The following CPA6 variants were observed in gnomAD, a reference collection of about 807,000 sequenced individuals.
The protein encoded by CPA6 is carboxypeptidase B.
A neutral mutation model predicts 63.3 loss-of-function variants in CPA6; 58 were observed. The observed-to-expected ratio is 0.92, with a 90% CI of 0.74 to 1.14. The LOEUF (loss-of-function observed/expected upper bound fraction) is 1.14, where lower values mean the gene tolerates loss of function less well. CPA6 is among the 50% of genes most tolerant of loss of function. CPA6 has a pLI of 0.00. For missense variants in CPA6, 565 were observed against 526.6 expected (o/e 1.07, Z -0.71); for synonymous variants, 185 against 179.0 (o/e 1.03, Z -0.27).
chr8:67,672,126 G>A (rs575628283), intron 1 of CPA6, among the ~76,000 whole-genome samples: 79 of 152,122 alleles, frequency 5.2e-4, no homozygotes, highest in Non-Finnish European at 7.1e-4. Context: ...CACCGCACCC[G>A]GCCTTCTCAT....
chr8:67,447,023 C>CAT (rs548626236), intron 8 of CPA6, among the ~76,000 whole-genome samples: 141 of 122,580 alleles, frequency 1.2e-3, no homozygotes, highest in Admixed American at 2.0e-3. Flanking sequence ...TACACACACA[C>CAT]ATATATATAC....
intron 2 of CPA6, among the ~76,000 whole-genome samples, chr8:67,536,049 G>A (rs1296685821): frequency 1.3e-5 from 2 of 152,094 alleles, no homozygotes; most frequent in African/African-American, 4.8e-5. Context: ...CCTCTGTACT[G>A]TTCCATTGGT....
intron 8 of CPA6, among the ~76,000 whole-genome samples, chr8:67,470,443 T>G (rs915880164): frequency 6.6e-6 from 1 of 152,222 alleles, no homozygotes; most frequent in Non-Finnish European, 1.5e-5. Context: ...TTTTGGGCAA[T>G]AACCTAATAG....
intron 6 of CPA6, among the ~76,000 whole-genome samples, chr8:67,504,512 A>T (rs1811890328): frequency 6.6e-6 from 1 of 152,148 alleles, no homozygotes; most frequent in African/African-American, 2.4e-5. Flanking sequence ...GCTTTGAGTG[A>T]AGCCAGGTGC....
At chr8:67,727,961 C>T (rs1219120192) in intron 1 of CPA6, among the ~76,000 whole-genome samples, 1 of 151,842 alleles carries the variant, frequency 6.6e-6, no homozygotes, top group Non-Finnish European at 1.5e-5. Flanking sequence ...GCCTGTAGTC[C>T]CAGCTACTCG....
chr8:67,642,163 C>T (rs1457082792), intron 1 of CPA6, among the ~76,000 whole-genome samples: 9 of 152,124 alleles, frequency 5.9e-5, no homozygotes, highest in Middle Eastern at 6.8e-3. Flanking sequence ...ACTAAAAATA[C>T]AAGAATTAGC....
intron 8 of CPA6, among the ~76,000 whole-genome samples, chr8:67,455,416 G>T (rs1810649103): frequency 1.3e-5 from 2 of 151,784 alleles, no homozygotes; most frequent in South Asian, 4.2e-4. Context: ...AAAAAAAATG[G>T]GTTTGGTTAT....
chr8:67,695,466 T>C (rs1022610576), intron 1 of CPA6, among the ~76,000 whole-genome samples: 1 of 152,216 alleles, frequency 6.6e-6, no homozygotes, highest in African/African-American at 2.4e-5. Context: ...AGACATTTAC[T>C]TTGGATATAA....
chr8:67,438,302 T>A (rs1441184874), intron 8 of CPA6, among the ~76,000 whole-genome samples: 8 of 152,188 alleles, frequency 5.3e-5, no homozygotes, highest in Non-Finnish European at 5.9e-5. Context: ...ATCAACACTT[T>A]GACAAATTAT....
chr8:67,620,861 G>A (rs979343876), intron 2 of CPA6, among the ~76,000 whole-genome samples: 8 of 152,146 alleles, frequency 5.3e-5, no homozygotes, highest in African/African-American at 1.9e-4. Flanking sequence ...TCTTTAGAAA[G>A]GCCTGCTTGT....
At chr8:67,607,169 CTCTTCTTCT>C (rs1211819002) in intron 2 of CPA6, among the ~76,000 whole-genome samples, 818 of 28,292 alleles carry the variant, frequency 0.029, 35 homozygotes, top group Middle Eastern at 0.036. Flanking sequence ...CTTCTTCTTC[CTCTTCTTCT>C]TCTTCTTCTT....
At chr8:67,661,380 G>A (rs1182267429) in intron 1 of CPA6, among the ~76,000 whole-genome samples, 1 of 152,302 alleles carries the variant, frequency 6.6e-6, no homozygotes, top group East Asian at 1.9e-4. Context: ...CTGGAAGCCT[G>A]TTGCAAGGAC....
intron 1 of CPA6, among the ~76,000 whole-genome samples, chr8:67,653,854 T>C (rs1815911127): frequency 6.6e-6 from 1 of 152,044 alleles, no homozygotes; most frequent in African/African-American, 2.4e-5. Flanking sequence ...TTTTTGCCCA[T>C]TCAGTATGAT....
chr8:67,575,440 T>G (rs1478981406), intron 2 of CPA6, among the ~76,000 whole-genome samples: 1 of 152,262 alleles, frequency 6.6e-6, no homozygotes, highest in African/African-American at 2.4e-5. Flanking sequence ...ACACTCCTAT[T>G]CATTGCAGCC....
intron 8 of CPA6, among the ~76,000 whole-genome samples, chr8:67,479,450 A>G (rs1319910154): frequency 6.6e-6 from 1 of 152,200 alleles, no homozygotes; most frequent in Non-Finnish European, 1.5e-5. Flanking sequence ...CATGCTATGC[A>G]TGTTAAAATT....
At chr8:67,486,438 T>C (rs919313052) in intron 6 of CPA6, among the ~76,000 whole-genome samples, 6 of 152,182 alleles carry the variant, frequency 3.9e-5, no homozygotes, top group Non-Finnish European at 2.9e-5. Flanking sequence ...CATGAAAAAA[T>C]ATACATAAAT....
intron 1 of CPA6, among the ~76,000 whole-genome samples, chr8:67,687,738 G>A (rs764020369): frequency 2.6e-4 from 39 of 152,236 alleles, no homozygotes; most frequent in South Asian, 1.7e-3. Flanking sequence ...AGGCAAGTCA[G>A]TTCACTTCTC....
At chr8:67,500,298 C>G (rs998719379) in intron 6 of CPA6, among the ~76,000 whole-genome samples, 1 of 152,148 alleles carries the variant, frequency 6.6e-6, no homozygotes, top group Admixed American at 6.5e-5. Context: ...CCAACGACAT[C>G]TTTTTTGCGT....
At chr8:67,666,075 A>G (rs144904210) in intron 1 of CPA6, among the ~76,000 whole-genome samples, 9 of 152,348 alleles carry the variant, frequency 5.9e-5, no homozygotes, top group African/African-American at 2.2e-4. Flanking sequence ...TTTTATGAAC[A>G]TGATCCACTG....
Sources: allele counts gnomAD v4.1 joint callset (sites outside exome capture counted in the v4.1 genomes callset), GRCh38; gene constraint gnomAD v4.1.1; transcripts MANE v1.5; gene names NCBI Gene and HGNC (gene_info 2026-07-23, HGNC 2026-07-21).